ARHGEF11: variants seen among roughly 807,000 people sequenced by gnomAD.
ARHGEF11 encodes the protein Rho guanine nucleotide exchange factor 11, also known as Rho guanine exchange factor (GEF) 11.
In ARHGEF11, 55 loss-of-function variants were observed where a neutral mutation model predicts 193.7. The ratio of observed to expected loss-of-function variants is 0.28; its 90% CI spans 0.23 to 0.36. The LOEUF is 0.36. Among genes scored for constraint, ARHGEF11 ranks in the 10% least tolerant of loss-of-function variants. The pLI is 1.00. For missense variants in ARHGEF11, 1,723 were observed against 2,005.6 expected, an observed-to-expected ratio of 0.86 and a Z score of 2.69; for synonymous variants, 693 against 768.0, an observed-to-expected ratio of 0.90 and a Z score of 1.62.
At chr1:157,034,549 T>C (rs779671971) in intron 1 of ARHGEF11, among the ~76,000 whole-genome samples, 4 of 152,228 alleles carry the variant, frequency 2.6e-5, no homozygotes, top group African/African-American at 9.6e-5. Context: ...CAGGAGTGTT[T>C]AGAGCTTGCT....
chr1:156,958,568 C>A (rs946754047), intron 17 of ARHGEF11, among the ~76,000 whole-genome samples, 174 bp downstream of exon 17: 1 of 152,218 alleles, frequency 6.6e-6, no homozygotes, highest in African/African-American at 2.4e-5. Context: ...CACCCTTGAA[C>A]ACCTGCAGCC....
chr1:157,044,849 T>C lies in ARHGEF11; in HGVS notation c.-519A>G, dbSNP rs1673166645. The C allele has an allele frequency of 4.1e-6, 1 of 242,484 alleles. No individual in the cohort carries two copies. The allele number at this position is 242,484 out of a possible 1,614,324, so 15.0% of individuals were successfully genotyped here. A position where few individuals can be genotyped will look rare whatever the true frequency, so the allele number is the denominator to read the frequency against. ...CTTAATATGACAACAGCAAATATCT[T>C]TGAGGAAAGGAAAAAAAAAAGGATT... On this transcript the variant is annotated 5_prime_UTR_variant, in exon 1 of 41. Transcript: ENST00000368194.
chr1:157,045,773 C>A (rs1673255218), upstream of ARHGEF11, among the ~76,000 whole-genome samples: 1 of 150,782 alleles, frequency 6.6e-6, no homozygotes, highest in Non-Finnish European at 1.5e-5. Context: ...CGCCTCCTTC[C>A]GGGCCCCTTC....
intron 4 of ARHGEF11, 49 bp from the exon 5 acceptor site, chr1:156,979,335 G>T: frequency 1.5e-6 from 2 of 1,375,602 alleles, no homozygotes; most frequent in East Asian, 4.6e-5. Context: ...ACAGCTAGGG[G>T]ATCCTTCTGT....
At chr1:157,036,970 T>C (rs1672120838) in intron 1 of ARHGEF11, among the ~76,000 whole-genome samples, 1 of 151,606 alleles carries the variant, frequency 6.6e-6, no homozygotes. Context: ...TACTAAAAAA[T>C]ATAAAAACTT....
chr1:157,019,326 C>A (rs944638006), intron 1 of ARHGEF11, among the ~76,000 whole-genome samples: 2 of 152,092 alleles, frequency 1.3e-5, no homozygotes, highest in Non-Finnish European at 2.9e-5. Flanking sequence ...CAAATTAGAA[C>A]CACAATAAGA....
Position 156,963,319 on chromosome 1 carries a change from G to C in ARHGEF11, c.1039-15C>G. On this transcript the variant is annotated splice_polypyrimidine_tract_variant and intron_variant, in intron 12 of 40. Transcript: ENST00000368194. The stretch of plus-strand genomic sequence containing the variant: ...ATGATGTCGCTCTGGAAGGCAGAAG[G>C]ATGAGCATGGTGGGAAGCCGGGCAC... 1 of 1,609,730 alleles carries C rather than the reference G, an allele frequency of 6.2e-7. No individual in the cohort carries two copies. The highest frequency in any genetic ancestry group is 8.5e-7 in the Non-Finnish European group (1 of 1,176,324).
chr1:157,008,099 A>G (rs370690682), intron 1 of ARHGEF11, among the ~76,000 whole-genome samples: 54 of 152,250 alleles, frequency 3.5e-4, no homozygotes, highest in African/African-American at 1.3e-3. Context: ...AGAGGGAAAC[A>G]TTTCATATAA....
intron 29 of ARHGEF11, chr1:156,945,413 G>C (rs1557833060): frequency 7.1e-6 from 4 of 562,370 alleles, no homozygotes; most frequent in Non-Finnish European, 1.3e-5. Flanking sequence ...CTGCTTTGAA[G>C]ACGCTGATAG....
chr1:157,022,257 A>G (rs1402203814), intron 1 of ARHGEF11, among the ~76,000 whole-genome samples: 1 of 152,216 alleles, frequency 6.6e-6, no homozygotes, highest in Non-Finnish European at 1.5e-5. Context: ...CTATACATGG[A>G]ATGATCTTGC....
intron 32 of ARHGEF11, among the ~76,000 whole-genome samples, chr1:156,943,696 T>C (rs1657551860): frequency 6.6e-6 from 1 of 152,204 alleles, no homozygotes; most frequent in South Asian, 2.1e-4. Flanking sequence ...AGCACTGTGC[T>C]TGGGGACTGC....
At chr1:156,995,704 G>GTT (rs386368407) in intron 1 of ARHGEF11, among the ~76,000 whole-genome samples, 69 of 127,180 alleles carry the variant, frequency 5.4e-4, no homozygotes, top group East Asian at 2.2e-3. Context: ...TGCCCAGCTT[G>GTT]TTTTTTTTTT....
At chr1:156,989,804 G>A (rs76586687) in intron 1 of ARHGEF11, among the ~76,000 whole-genome samples, 1,525 of 152,318 alleles carry the variant, frequency 0.01, 41 homozygotes, top group African/African-American at 0.035. Context: ...GTAGCATGGT[G>A]AATATCTACA....
chr1:157,044,342 G>A lies in ARHGEF11; in HGVS notation c.-12C>T. On this transcript the variant is annotated 5_prime_UTR_variant, in exon 1 of 41. Transcript: ENST00000368194. Reference sequence around the variant, plus strand: ...AACCTTACACTCATGGTTTCTCGGTGTCTCCACGGTTCCAGAATCCTGTAG... The same window carrying A: ...AACCTTACACTCATGGTTTCTCGGTATCTCCACGGTTCCAGAATCCTGTAG... 1 of 1,613,492 alleles carries A rather than the reference G, an allele frequency of 6.2e-7. No individual in the cohort carries two copies. The highest frequency in any genetic ancestry group is 8.5e-7 in the Non-Finnish European group (1 of 1,179,740).
intron 37 of ARHGEF11, 33 bp from the exon 38 acceptor site, chr1:156,938,546 G>A (rs967106901): frequency 1.2e-6 from 2 of 1,602,206 alleles, no homozygotes; most frequent in African/African-American, 2.7e-5. Context: ...AGGAAGAGGA[G>A]AGACCAAAAC....
In ARHGEF11 at chr1:156,947,313, C is replaced by G. The variant is rs1240623141; in HGVS notation, c.2479G>C (p.Glu827Gln). 6.2e-7 allele frequency: 1 copy of G among 1,606,924 alleles called. No homozygotes were observed. The highest frequency in any genetic ancestry group is 8.5e-7 in the Non-Finnish European group (1 of 1,177,486). ...RLFPNLPELI[E>Q]IHNSWCEAMK... Reference sequence around the variant, plus strand: ...GGCACAGGCTCCTTACTGTGAATCTCTATGAGTTCAGGCAGGTTCGGGAAG... The same window carrying G: ...GGCACAGGCTCCTTACTGTGAATCTGTATGAGTTCAGGCAGGTTCGGGAAG... Residue 827 changes from glutamate (E) to glutamine (Q), a missense_variant, in exon 26 of 41, where the codon GAG becomes CAG. Physicochemically the swap from Glu to Gln is conservative, Grantham distance 29 (BLOSUM62 2). This residue lies in a region of ARHGEF11 where 491 missense variants were observed against 654.5 expected (regional missense o/e 0.75). Coordinates refer to ENST00000368194, the MANE Select transcript of ARHGEF11 (RefSeq NM_198236.3).
At chr1:156,964,824 G>A (rs1005758578) in intron 11 of ARHGEF11, among the ~76,000 whole-genome samples, 2 of 152,172 alleles carry the variant, frequency 1.3e-5, no homozygotes, top group Admixed American at 6.5e-5. Context: ...GGGTCTGAGA[G>A]CCCCAGAAGG....
intron 21 of ARHGEF11, 71 bp from the exon 22 acceptor site, chr1:156,951,770 C>A: frequency 6.3e-7 from 1 of 1,593,812 alleles, no homozygotes. Flanking sequence ...TTGGACTTCC[C>A]CAGATCCCAG....
At chr1:157,003,067 T>C (rs934194600) in intron 1 of ARHGEF11, among the ~76,000 whole-genome samples, 2 of 152,276 alleles carry the variant, frequency 1.3e-5, no homozygotes, top group Non-Finnish European at 2.9e-5. Flanking sequence ...TATTGATTGA[T>C]TGTTGATTAT....
Sources: allele counts gnomAD v4.1 joint callset (sites outside exome capture counted in the v4.1 genomes callset), GRCh38; gene constraint gnomAD v4.1.1; regional missense constraint gnomAD v4.1.1; transcripts MANE v1.5; gene names NCBI Gene and HGNC (gene_info 2026-07-23, HGNC 2026-07-21).